PSIP1: variants seen among roughly 807,000 people sequenced by gnomAD.
PSIP1 encodes PC4 and SFRS1-interacting protein.
Under a neutral mutation model 74.7 loss-of-function variants are expected in PSIP1, and 19 were observed. The observed-to-expected ratio is 0.25, with a 90% confidence interval of 0.18 to 0.37. PSIP1 has a LOEUF of 0.37. PSIP1 is among the 10% of genes least tolerant of loss of function. The probability of loss-of-function intolerance (pLI) is 1.00; values close to 1 mark genes in which losing one functional copy is unlikely to be tolerated. For synonymous variants in PSIP1, 222 were observed against 195.3 expected (o/e 1.14, Z -1.14); for missense variants, 601 against 614.3 (o/e 0.98, Z 0.23).
intron 6 of PSIP1, among the ~76,000 whole-genome samples, chr9:15,480,894 C>T (rs897177475): frequency 1.3e-5 from 2 of 152,114 alleles, no homozygotes; most frequent in Admixed American, 6.5e-5. Context: ...GCATTCCAGC[C>T]TGGGCGACAG....
chr9:15,506,274 A>T (rs1172748679), intron 3 of PSIP1: 2 of 272,082 alleles, frequency 7.4e-6, no homozygotes, highest in African/African-American at 2.2e-5. Context: ...TAGGAATATC[A>T]GATCACTTAT....
intron 8 of PSIP1, among the ~76,000 whole-genome samples, chr9:15,475,699 G>C (rs1314791544): frequency 6.6e-6 from 1 of 152,052 alleles, no homozygotes; most frequent in African/African-American, 2.4e-5. Flanking sequence ...TCATAAAAAA[G>C]ATTATTTCAA....
At chr9:15,510,396 A>AAAGGGGGGGGGGG in intron 1 of PSIP1, 67 bp from the exon 2 acceptor site, 1 of 8,916 alleles carries the variant, frequency 1.1e-4, no homozygotes, top group Non-Finnish European at 2.3e-4. Context: ...GGGGAGGGGG[A>AAAGGGGGGGGGGG]GGGGAACCGG....
At chr9:15,466,172 G>A (rs2035611533) in intron 15 of PSIP1, among the ~76,000 whole-genome samples, 1 of 152,240 alleles carries the variant, frequency 6.6e-6, no homozygotes, top group Non-Finnish European at 1.5e-5. Context: ...GAGGTCAGGA[G>A]TTCGAGGCCG....
At chr9:15,469,885 T>C in intron 11 of PSIP1, 53 bp downstream of exon 11, 2 of 1,453,884 alleles carry the variant, frequency 1.4e-6, no homozygotes, top group East Asian at 2.3e-5. Flanking sequence ...TATGTCTATA[T>C]AACTTCTTTT....
rs1444736852 is a variant in PSIP1 at position 15,474,126 on chromosome 9, C to G, written c.741G>C (p.Glu247Asp). The G allele has an allele frequency of 6.2e-7, 1 of 1,613,408 alleles. No individual in the cohort carries two copies. Among genetic ancestry groups the G allele is most frequent in the East Asian group, 2.2e-5 (1 of 44,820 alleles). The change falls in exon 9 of 16, where the codon GAG becomes GAC. Residue 247 changes from glutamate to aspartate, a missense_variant. This residue lies in a region of PSIP1 where 538 missense variants were observed against 507.6 expected (regional missense o/e 1.06). Coordinates refer to ENST00000380733, the MANE Select transcript of PSIP1 (RefSeq NM_033222.5). ...GQKEEDKPRK[E>D]PDKKEGKKEV... ...CTTTCTTCCCCTCTTTTTTATCCGG[C>G]TCTTTTCTTGGCTTATCTTCTTCCT...
At chr9:15,485,376 C>T (rs961118913) in intron 6 of PSIP1, among the ~76,000 whole-genome samples, 1 of 152,146 alleles carries the variant, frequency 6.6e-6, no homozygotes, top group Non-Finnish European at 1.5e-5. Context: ...CCATACTGCA[C>T]AACAAATAAG....
intron 6 of PSIP1, among the ~76,000 whole-genome samples, chr9:15,485,032 C>A (rs1403749442): frequency 6.6e-6 from 1 of 152,028 alleles, no homozygotes; most frequent in Non-Finnish European, 1.5e-5. Context: ...TGCAGTGAGG[C>A]ATGATTGTGC....
intron 3 of PSIP1, among the ~76,000 whole-genome samples, chr9:15,496,306 CTA>C (rs1192845215): frequency 6.6e-6 from 1 of 152,144 alleles, no homozygotes; most frequent in African/African-American, 2.4e-5. Flanking sequence ...TAAGGACTGC[CTA>C]TATATACCCT....
In PSIP1 at chr9:15,464,829, C is replaced by A. The variant is rs1016923154; in HGVS notation, c.*691G>T. On this transcript the variant is annotated 3_prime_UTR_variant, in exon 16 of 16. Transcript: ENST00000380733. ...TCTGCAAAGAAGTCCTAAGACTTCA[C>A]TGAATGCCCAGCCACAAAACTAAAT... 4.8e-6 allele frequency: 1 copy of A among 208,556 alleles called. No homozygotes were observed. Among genetic ancestry groups the A allele is most frequent in the African/African-American group, 2.3e-5 (1 of 43,932 alleles). The allele number at this position is 208,556 out of a possible 1,614,324, so 12.9% of individuals were successfully genotyped here.
At chr9:15,486,580 A>G (rs904206133) in intron 5 of PSIP1, among the ~76,000 whole-genome samples, 2 of 152,196 alleles carry the variant, frequency 1.3e-5, no homozygotes, top group African/African-American at 4.8e-5. Flanking sequence ...ACCGCACCCT[A>G]CAGTTGGACT....
intron 2 of PSIP1, among the ~76,000 whole-genome samples, chr9:15,508,290 TGAA>T (rs1386056589): frequency 2.0e-5 from 3 of 152,134 alleles, no homozygotes; most frequent in African/African-American, 7.2e-5. Flanking sequence ...TTTTTAAGAA[TGAA>T]GAAGACAGAA....
intron 8 of PSIP1, among the ~76,000 whole-genome samples, chr9:15,476,462 A>C (rs1390628909): frequency 6.6e-6 from 1 of 152,214 alleles, no homozygotes; most frequent in Admixed American, 6.5e-5. Flanking sequence ...TATCAAGGTG[A>C]ATTTGATAGT....
chr9:15,510,375 A>T, intron 1 of PSIP1, 46 bp from the exon 2 acceptor site: 11 of 12,544 alleles, frequency 8.8e-4, no homozygotes, highest in East Asian at 1.9e-3. Flanking sequence ...CCCCGAAGGG[A>T]GGGGCCGCAA....
chr9:15,472,448 CCT>C (rs1316286782), intron 10 of PSIP1, 182 bp downstream of exon 10: 3 of 1,369,480 alleles, frequency 2.2e-6, no homozygotes, highest in Non-Finnish European at 2.8e-6. Context: ...TCAATTTCAT[CCT>C]CTCAGAAGAG....
At chr9:15,508,616 A>G (rs908016014) in intron 2 of PSIP1, among the ~76,000 whole-genome samples, 3 of 152,208 alleles carry the variant, frequency 2.0e-5, no homozygotes, top group Non-Finnish European at 2.9e-5. Context: ...AGACAACCTC[A>G]TATTTTCAAA....
At chr9:15,466,880 A>G (rs778615579) in intron 14 of PSIP1, 21 bp from the exon 15 acceptor site, 28 of 1,579,626 alleles carry the variant, frequency 1.8e-5, no homozygotes, top group Non-Finnish European at 2.3e-5. Context: ...AATCCAATGG[A>G]AAAACTTTGT....
In PSIP1 at chr9:15,466,926, A is replaced by T. The variant is rs529445383; in HGVS notation, c.1421-67T>A. ...AAAACAATAATTGAAGGTGTCCACT[A>T]AAGATCCAGAATCAAAATACAACAT... On this transcript the variant is annotated intron_variant, in intron 14 of 15. Transcript: ENST00000380733. The T allele has an allele frequency of 3.4e-6, 4 of 1,179,846 alleles. No homozygotes were observed. The Admixed American group carries it at 8.3e-5, about 25-fold the overall frequency. The allele number at this position is 1,179,846 out of a possible 1,614,324, so 73.1% of individuals were successfully genotyped here.
intron 10 of PSIP1, chr9:15,471,376 G>C (rs2035820520): frequency 6.5e-7 from 1 of 1,542,014 alleles, no homozygotes; most frequent in Non-Finnish European, 8.8e-7. Flanking sequence ...TAGAATTTGA[G>C]AAAGTTACAT....
Sources: allele counts gnomAD v4.1 joint callset (sites outside exome capture counted in the v4.1 genomes callset), GRCh38; gene constraint gnomAD v4.1.1; regional missense constraint gnomAD v4.1.1; transcripts MANE v1.5; gene names NCBI Gene and HGNC (gene_info 2026-07-23, HGNC 2026-07-21).